The following KCNB2 variants were observed in gnomAD, a reference collection of about 807,000 sequenced individuals.
The protein encoded by KCNB2 is potassium voltage-gated channel subfamily B member 2.
In KCNB2, 15 loss-of-function variants were observed where a neutral mutation model predicts 61.5. That is an observed-to-expected ratio of 0.24 (90% CI 0.16 to 0.38). The LOEUF (loss-of-function observed/expected upper bound fraction) is 0.38. Ranked by LOEUF, KCNB2 falls within the 10% of genes least tolerant of loss-of-function variation. The pLI, the probability that KCNB2 is intolerant of heterozygous loss-of-function variation, is 1.00. For missense variants in KCNB2, 828 were observed against 1,125.2 expected, an observed-to-expected ratio of 0.74 and a Z score of 3.78; for synonymous variants, 457 against 446.0, an observed-to-expected ratio of 1.02 and a Z score of -0.31.
chr8:72,907,460 C>T (rs1186009990), intron 2 of KCNB2, among the ~76,000 whole-genome samples: 1 of 152,066 alleles, frequency 6.6e-6, no homozygotes, highest in Non-Finnish European at 1.5e-5. Context: ...AGAAGAAGAG[C>T]TGTACACTAT....
intron 2 of KCNB2, among the ~76,000 whole-genome samples, chr8:72,905,672 T>C (rs1362691484): frequency 1.3e-5 from 2 of 152,150 alleles, no homozygotes; most frequent in East Asian, 3.9e-4. Context: ...TGTTAGCAAG[T>C]AGAGCACTTC....
intron 2 of KCNB2, among the ~76,000 whole-genome samples, chr8:72,830,278 G>C (rs1410233185): frequency 1.4e-5 from 2 of 146,950 alleles, no homozygotes; most frequent in Non-Finnish European, 3.0e-5. Flanking sequence ...AATAGAGTGA[G>C]AGAAGGAGAG....
rs578257284 is a variant in KCNB2 at position 72,780,686 on chromosome 8, T to G, written c.580-155249T>G. Among the ~76,000 whole-genome samples the G allele has an allele frequency of 4.6e-5, 7 of 152,322 alleles. No homozygotes were observed. In the East Asian group the frequency reaches 1.3e-3, roughly 29 times the overall value. ...TGATTGATGCTGCAATGAACATATG[T>G]GTGCATGTATCTTTATAACAGAATG... On this transcript the variant is annotated intron_variant, in intron 2 of 2. Transcript: ENST00000523207.
At chr8:72,911,431 G>A (rs1806289165) in intron 2 of KCNB2, among the ~76,000 whole-genome samples, 1 of 152,218 alleles carries the variant, frequency 6.6e-6, no homozygotes, top group African/African-American at 2.4e-5. Flanking sequence ...GCACATGCGT[G>A]CAGGGGCACA....
intron 2 of KCNB2, among the ~76,000 whole-genome samples, chr8:72,902,179 A>G (rs1218534222): frequency 6.6e-6 from 1 of 152,176 alleles, no homozygotes; most frequent in Non-Finnish European, 1.5e-5. Context: ...GGGGTGGCAC[A>G]TAGACAAGGG....
chr8:72,711,852 C>T (rs1392586204), intron 2 of KCNB2, among the ~76,000 whole-genome samples: 2 of 152,090 alleles, frequency 1.3e-5, no homozygotes, highest in Non-Finnish European at 2.9e-5. Context: ...ATTAGCCAGG[C>T]TTGGTTGCAG....
chr8:72,886,399 A>G (rs748881359), intron 2 of KCNB2, among the ~76,000 whole-genome samples: 9 of 152,230 alleles, frequency 5.9e-5, no homozygotes, highest in Admixed American at 1.3e-4. Context: ...CCACACAGAA[A>G]AAGGGGAACA....
At chr8:72,598,170 T>A (rs1807230442) in intron 2 of KCNB2, among the ~76,000 whole-genome samples, 1 of 151,746 alleles carries the variant, frequency 6.6e-6, no homozygotes, top group African/African-American at 2.4e-5. Flanking sequence ...TAGACCAATA[T>A]CCTTGATGAA....
In KCNB2 at chr8:72,925,466, T is replaced by C. The variant is rs1806621654; in HGVS notation, c.580-10469T>C. 2.0e-5 allele frequency among the ~76,000 whole-genome samples: 3 copies of C among 152,340 alleles called. No homozygotes were observed. The South Asian group carries it at 6.2e-4, about 32-fold the overall frequency. Reference sequence around the variant, plus strand: ...AAGAAGAAAGGTCTGGTGAATAATATAGTATTTATCTCATCATTTTCTCAT... The same window carrying C: ...AAGAAGAAAGGTCTGGTGAATAATACAGTATTTATCTCATCATTTTCTCAT... On this transcript the variant is annotated intron_variant, in intron 2 of 2. Coordinates refer to ENST00000523207, the MANE Select transcript of KCNB2 (RefSeq NM_004770.3).
chr8:72,634,464 T>C (rs1805934285), intron 2 of KCNB2, among the ~76,000 whole-genome samples: 1 of 152,202 alleles, frequency 6.6e-6, no homozygotes, highest in Non-Finnish European at 1.5e-5. Flanking sequence ...TGGGCCACAC[T>C]TTGAGTGGTA....
chr8:72,543,017 G>A (rs772223374), intron 1 of KCNB2, among the ~76,000 whole-genome samples: 2 of 152,126 alleles, frequency 1.3e-5, no homozygotes, highest in Non-Finnish European at 2.9e-5. Context: ...TATGACAGAA[G>A]CATCCCAACA....
At chr8:72,706,368 T>A (rs1340703167) in intron 2 of KCNB2, among the ~76,000 whole-genome samples, 1 of 152,174 alleles carries the variant, frequency 6.6e-6, no homozygotes, top group African/African-American at 2.4e-5. Context: ...GAGTGTTGGT[T>A]TCAAACCATC....
At chr8:72,857,534 A>G (rs1325728447) in intron 2 of KCNB2, among the ~76,000 whole-genome samples, 1 of 133,164 alleles carries the variant, frequency 7.5e-6, no homozygotes, top group Non-Finnish European at 1.6e-5. Context: ...GCTGAAAATG[A>G]TAAAACCCCA....
chr8:72,586,713 A>AT (rs1274433039), intron 2 of KCNB2, among the ~76,000 whole-genome samples: 4 of 152,216 alleles, frequency 2.6e-5, no homozygotes, highest in African/African-American at 9.6e-5. Flanking sequence ...AACCAGGGGC[A>AT]TTTTCAACTT....
chr8:72,681,082 A>G (rs555105276), intron 2 of KCNB2, among the ~76,000 whole-genome samples: 1 of 152,332 alleles, frequency 6.6e-6, no homozygotes, highest in South Asian at 2.1e-4. Flanking sequence ...TATTAAAGAC[A>G]ATGTGAAAAA....
intron 2 of KCNB2, among the ~76,000 whole-genome samples, chr8:72,628,095 A>C (rs1293695171): frequency 2.0e-5 from 3 of 152,072 alleles, no homozygotes; most frequent in African/African-American, 7.2e-5. Flanking sequence ...CTGGGACTAC[A>C]GGTGTGTGTC....
At chr8:72,720,533 C>T (rs1484595993) in intron 2 of KCNB2, among the ~76,000 whole-genome samples, 1 of 152,170 alleles carries the variant, frequency 6.6e-6, no homozygotes. Flanking sequence ...CTCTTCCCAT[C>T]ATATTTGTTT....
At chr8:72,775,082 A>G (rs1808625465) in intron 2 of KCNB2, among the ~76,000 whole-genome samples, 1 of 152,132 alleles carries the variant, frequency 6.6e-6, no homozygotes, top group Admixed American at 6.6e-5. Context: ...CTTGACACAG[A>G]CCACACCTCA....
chr8:72,914,903 CTTCTTTT>C, intron 2 of KCNB2, among the ~76,000 whole-genome samples: 1 of 146,760 alleles, frequency 6.8e-6, no homozygotes, highest in African/African-American at 2.7e-5. Flanking sequence ...AATGACTAAT[CTTCTTTT>C]TTTTTTTTTT....
Sources: allele counts gnomAD v4.1 joint callset (sites outside exome capture counted in the v4.1 genomes callset), GRCh38; gene constraint gnomAD v4.1.1; transcripts MANE v1.5; gene names NCBI Gene and HGNC (gene_info 2026-07-23, HGNC 2026-07-21).